The following CDK17 variants were observed in gnomAD, a reference collection of about 807,000 sequenced individuals.
CDK17 encodes the protein cyclin dependent kinase 17.
CDK17 carries 24 observed loss-of-function variants against 77.6 expected under a neutral mutation model. The ratio of observed to expected loss-of-function variants is 0.31; its 90% CI spans 0.22 to 0.44. CDK17 has a LOEUF of 0.44. Ranked by LOEUF, CDK17 falls within the 20% of genes least tolerant of loss-of-function variation. CDK17 has a pLI of 1.00. For missense variants in CDK17, 429 were observed against 622.5 expected, an observed-to-expected ratio of 0.69 and a Z score of 3.31; for synonymous variants, 203 against 210.4, an observed-to-expected ratio of 0.96 and a Z score of 0.30.
intron 1 of CDK17, among the ~76,000 whole-genome samples, chr12:96,389,048 T>C (rs185402290): frequency 1.3e-5 from 2 of 151,948 alleles, no homozygotes; most frequent in Admixed American, 1.3e-4. Context: ...ATTATTATTT[T>C]TTGAGACAGG....
chr12:96,289,292 A>C lies in CDK17; in HGVS notation c.998-5T>G, dbSNP rs1181283432. On this transcript the variant is annotated splice_polypyrimidine_tract_variant and splice_region_variant and intron_variant, in intron 10 of 16. Coordinates refer to ENST00000261211, the MANE Select transcript of CDK17 (RefSeq NM_002595.5). ...CTGACTTGGCTCGGGCTAGTCCTTC[A>C]TAGGGAAAATAAAACAAAGGGTTAA... 6.2e-7 allele frequency: 1 copy of C among 1,613,622 alleles called. No individual in the cohort carries two copies. The highest frequency in any genetic ancestry group is 1.3e-5 in the African/African-American group (1 of 74,904).
At chr12:96,280,671 CTAAACA>C (rs1952165824) in intron 16 of CDK17, 131 bp downstream of exon 16, 2 of 1,449,700 alleles carry the variant, frequency 1.4e-6, no homozygotes, top group Non-Finnish European at 1.8e-6. Flanking sequence ...ACGTGCAATG[CTAAACA>C]TAAACAGTTG....
chr12:96,381,238 GAT>G (rs1204076412), intron 1 of CDK17, among the ~76,000 whole-genome samples: 35 of 152,062 alleles, frequency 2.3e-4, no homozygotes, highest in African/African-American at 7.7e-4. Context: ...TTTCAAGGGC[GAT>G]ACCTTGTTGG....
At chr12:96,338,926 A>G (rs1057445001) in intron 1 of CDK17, among the ~76,000 whole-genome samples, 1 of 151,956 alleles carries the variant, frequency 6.6e-6, no homozygotes, top group Non-Finnish European at 1.5e-5. Context: ...ATCTTGCAAG[A>G]TGTAAACTCT....
At chr12:96,357,830 C>T (rs946086426) in intron 1 of CDK17, among the ~76,000 whole-genome samples, 10 of 151,976 alleles carry the variant, frequency 6.6e-5, no homozygotes, top group Admixed American at 4.6e-4. Flanking sequence ...GGTACATATC[C>T]AAGAGAAACT....
chr12:96,394,139 G>C (rs552421111), intron 1 of CDK17, among the ~76,000 whole-genome samples: 2 of 151,844 alleles, frequency 1.3e-5, no homozygotes, highest in Non-Finnish European at 2.9e-5. Context: ...CCAGCTACTC[G>C]GGAGGCTGAG....
chr12:96,381,534 G>A (rs1481948102), intron 1 of CDK17, among the ~76,000 whole-genome samples: 3 of 152,022 alleles, frequency 2.0e-5, no homozygotes, highest in African/African-American at 7.3e-5. Flanking sequence ...CTTCTAGTGA[G>A]CTGAAAGGAT....
intron 10 of CDK17, among the ~76,000 whole-genome samples, chr12:96,294,178 C>A (rs902815101): frequency 1.3e-5 from 2 of 152,078 alleles, no homozygotes; most frequent in African/African-American, 4.8e-5. Flanking sequence ...CATTTTATCA[C>A]ATAAAATATT....
intron 1 of CDK17, among the ~76,000 whole-genome samples, chr12:96,350,140 T>C (rs773264282): frequency 5.3e-5 from 8 of 152,152 alleles, no homozygotes; most frequent in Admixed American, 1.3e-4. Flanking sequence ...TAAATGAAAG[T>C]ATATCCCATA....
intron 1 of CDK17, among the ~76,000 whole-genome samples, chr12:96,380,099 G>A (rs1953851843): frequency 6.6e-6 from 1 of 151,300 alleles, no homozygotes. Context: ...AACCCAGGAG[G>A]TTGAGCCTGC....
chr12:96,389,385 T>C (rs1954030882), intron 1 of CDK17, among the ~76,000 whole-genome samples: 1 of 152,152 alleles, frequency 6.6e-6, no homozygotes, highest in African/African-American at 2.4e-5. Context: ...CTTTATACAA[T>C]AGAAACCTAA....
intron 1 of CDK17, among the ~76,000 whole-genome samples, chr12:96,339,539 A>G (rs968342852): frequency 2.6e-5 from 4 of 152,002 alleles, no homozygotes; most frequent in Admixed American, 6.6e-5. Flanking sequence ...TGTGTATTTT[A>G]CAACTTTTTT....
chr12:96,300,394 C>CTTT lies in CDK17; in HGVS notation c.544-37_544-35dup, dbSNP rs372691382. 463 of 923,986 alleles carry CTTT rather than the reference C, an allele frequency of 5.0e-4. 3 individuals are homozygous for CTTT. Among genetic ancestry groups the CTTT allele is most frequent in the Middle Eastern group, 6.2e-4 (2 of 3,228 alleles). The allele number at this position is 923,986 out of a possible 1,614,324, so 57.2% of individuals were successfully genotyped here. A position where few individuals can be genotyped will look rare whatever the true frequency, so the allele number is the denominator to read the frequency against. On this transcript the variant is annotated intron_variant, in intron 5 of 16. Coordinates refer to ENST00000261211, the MANE Select transcript of CDK17 (RefSeq NM_002595.5). ...TAAACAATGAAAAATGTAGTATTTA[C>CTTT]TTTTTTTTTTTTTTTTTGAGACAGC... is the stretch of plus-strand genomic sequence containing the variant.
chr12:96,295,899 C>CA (rs1461777117), intron 9 of CDK17, among the ~76,000 whole-genome samples: 1 of 152,066 alleles, frequency 6.6e-6, no homozygotes, highest in Non-Finnish European at 1.5e-5. Flanking sequence ...CTGGGGTTAA[C>CA]AAAAAGAACC....
At chr12:96,284,802 G>A (rs1037079726) in intron 13 of CDK17, among the ~76,000 whole-genome samples, 1 of 152,034 alleles carries the variant, frequency 6.6e-6, no homozygotes, top group Non-Finnish European at 1.5e-5. Flanking sequence ...AACCTCAGGT[G>A]ATCCGCCTGC....
intron 1 of CDK17, among the ~76,000 whole-genome samples, chr12:96,349,859 A>G (rs777029907): frequency 6.6e-6 from 1 of 152,216 alleles, no homozygotes; most frequent in Non-Finnish European, 1.5e-5. Flanking sequence ...ATGATCTTAT[A>G]TGAAGAAAAC....
intron 3 of CDK17, among the ~76,000 whole-genome samples, chr12:96,317,253 G>A (rs1333653384): frequency 1.3e-5 from 2 of 148,218 alleles, no homozygotes; most frequent in Admixed American, 6.8e-5. Flanking sequence ...AGAGAAAAAA[G>A]AATAAAAAGA....
chr12:96,329,014 G>A (rs897638857), intron 2 of CDK17, among the ~76,000 whole-genome samples: 3 of 152,146 alleles, frequency 2.0e-5, no homozygotes, highest in Admixed American at 6.6e-5. Context: ...AAACCTTGGC[G>A]ACAATATGCT....
intron 1 of CDK17, among the ~76,000 whole-genome samples, chr12:96,355,088 T>G (rs1953373083): frequency 6.6e-6 from 1 of 152,126 alleles, no homozygotes; most frequent in Non-Finnish European, 1.5e-5. Context: ...CTTAAATGGT[T>G]TATGAGGTCC....
Sources: allele counts gnomAD v4.1 joint callset (sites outside exome capture counted in the v4.1 genomes callset), GRCh38; gene constraint gnomAD v4.1.1; transcripts MANE v1.5; gene names NCBI Gene and HGNC (gene_info 2026-07-23, HGNC 2026-07-21).